Variants in PTPRD observed in about 807,000 individuals in gnomAD.
The protein encoded by PTPRD is receptor-type tyrosine-protein phosphatase delta.
In PTPRD, 34 loss-of-function variants were observed where a neutral mutation model predicts 214.5. That is an observed-to-expected ratio of 0.16 (90% CI 0.12 to 0.21). The LOEUF is 0.21. Among genes scored for constraint, PTPRD ranks in the 10% least tolerant of loss-of-function variants. The pLI is 1.00. For synonymous variants in PTPRD, 1,128 were observed against 845.7 expected, an observed-to-expected ratio of 1.33 and a Z score of -5.79; for missense variants, 2,545 against 2,398.7, an observed-to-expected ratio of 1.06 and a Z score of -1.27.
At chr9:10,504,127 A>AAAAAAAAAAAAAAAAAAAAAAAAAAC (rs2045026828) in intron 2 of PTPRD, among the ~76,000 whole-genome samples, 1 of 137,604 alleles carries the variant, frequency 7.3e-6, no homozygotes, top group Non-Finnish European at 1.6e-5. Flanking sequence ...AAAAAAAAAA[A>AAAAAAAAAAAAAAAAAAAAAAAAAAC]AAAAAAAAAA....
intron 3 of PTPRD, among the ~76,000 whole-genome samples, chr9:10,044,969 C>G (rs2097362868): frequency 6.6e-6 from 1 of 151,660 alleles, no homozygotes; most frequent in South Asian, 2.1e-4. Context: ...TCCAGAATCT[C>G]TTTCATATTG....
At chr9:9,499,401 T>G (rs1014086479) in intron 8 of PTPRD, among the ~76,000 whole-genome samples, 2 of 152,110 alleles carry the variant, frequency 1.3e-5, no homozygotes, top group Non-Finnish European at 2.9e-5. Context: ...TATTTACTGT[T>G]TCTAGACATT....
intron 3 of PTPRD, among the ~76,000 whole-genome samples, chr9:10,090,091 T>C (rs1350163384): frequency 6.6e-6 from 1 of 151,654 alleles, no homozygotes; most frequent in Non-Finnish European, 1.5e-5. Context: ...GTTCAAAATA[T>C]ACTTCTCACT....
chr9:9,618,103 A>C (rs1048886574), intron 7 of PTPRD, among the ~76,000 whole-genome samples: 1 of 143,994 alleles, frequency 6.9e-6, no homozygotes, highest in Non-Finnish European at 1.5e-5. Flanking sequence ...AAAAAAAAAA[A>C]AGATTTTGTC....
intron 2 of PTPRD, among the ~76,000 whole-genome samples, chr9:10,549,296 C>A (rs915097443): frequency 1.3e-5 from 2 of 152,060 alleles, no homozygotes; most frequent in African/African-American, 4.8e-5. Flanking sequence ...ACATCCAAAC[C>A]GAACAGCCCT....
At chr9:10,360,836 C>T (rs1221393116) in intron 2 of PTPRD, among the ~76,000 whole-genome samples, 6 of 152,200 alleles carry the variant, frequency 3.9e-5, no homozygotes, top group Non-Finnish European at 8.8e-5. Context: ...GGCGCGGTGG[C>T]TCACGCCTGT....
intron 9 of PTPRD, among the ~76,000 whole-genome samples, chr9:9,323,386 C>T (rs1967692836): frequency 6.6e-6 from 1 of 152,056 alleles, no homozygotes; most frequent in Admixed American, 6.6e-5. Context: ...GGTAGAAGTA[C>T]AATTATCCTA....
chr9:8,398,279 T>C (rs1440369187), intron 36 of PTPRD, among the ~76,000 whole-genome samples: 1 of 152,144 alleles, frequency 6.6e-6, no homozygotes, highest in African/African-American at 2.4e-5. Flanking sequence ...GTAGGTACTA[T>C]TAATAATCCC....
intron 14 of PTPRD, among the ~76,000 whole-genome samples, chr9:8,611,410 A>G (rs1400095795): frequency 6.6e-6 from 1 of 152,172 alleles, no homozygotes; most frequent in East Asian, 1.9e-4. Context: ...AAGGGGAATA[A>G]AAACCAGAGC....
At position 8,437,574 on chromosome 9, in the gene PTPRD, T is replaced by C. The variant is rs941726177; in HGVS notation, c.3989-885A>G. On this transcript the variant is annotated intron_variant, in intron 34 of 45. Coordinates refer to ENST00000381196, the MANE Select transcript of PTPRD (RefSeq NM_002839.4). The stretch of plus-strand genomic sequence containing the variant: ...AGTAGCAGATTGTAGAGGTTGGGGT[T>C]GCAGCCTTCTCCTGGACATTTATAA... Among the ~76,000 whole-genome samples, 3 of 152,184 alleles carry C rather than the reference T, an allele frequency of 2.0e-5. No homozygotes were observed. In the South Asian group the frequency reaches 6.2e-4, roughly 32 times the overall value.
chr9:8,848,776 T>C lies in PTPRD; in HGVS notation c.-103-114830A>G, dbSNP rs1039173578. On this transcript the variant is annotated intron_variant, in intron 11 of 45. Coordinates refer to ENST00000381196, the MANE Select transcript of PTPRD (RefSeq NM_002839.4). The stretch of plus-strand genomic sequence containing the variant: ...GATGCTTGACTTAAAATCTTGACCC[T>C]ATGTTCCATCTTTATTACTTTTATC... Among the ~76,000 whole-genome samples, 23 of 125,734 alleles carry C rather than the reference T, an allele frequency of 1.8e-4. 1 individual carries two copies. Among genetic ancestry groups the C allele is most frequent in the African/African-American group, 6.7e-4 (23 of 34,428 alleles). 82.5% of individuals were successfully genotyped at this position (125,734 alleles called of 152,430 possible).
intron 3 of PTPRD, among the ~76,000 whole-genome samples, chr9:10,243,824 C>G (rs1219598809): frequency 6.6e-6 from 1 of 151,938 alleles, no homozygotes; most frequent in Non-Finnish European, 1.5e-5. Flanking sequence ...TTTATCCTCC[C>G]AAACCTAAAG....
chr9:9,778,978 T>C (rs868026068), intron 5 of PTPRD, among the ~76,000 whole-genome samples: 8 of 145,586 alleles, frequency 5.5e-5, no homozygotes, highest in Non-Finnish European at 4.5e-5. Context: ...GCAACCAAAA[T>C]AGCATGATAC....
At position 8,689,433 on chromosome 9, in the gene PTPRD, C is replaced by A. The variant is rs150792196; in HGVS notation, c.64+44347G>T. Among the ~76,000 whole-genome samples the A allele has an allele frequency of 1.3e-3, 193 of 152,260 alleles. 2 individuals are homozygous for A. The East Asian group carries it at 0.013, about 11-fold the overall frequency. ...AGACTGGGAAGAAAAAGAGGTTTAA[C>A]TGGACTTATAATTCCACATGGCTGG... On this transcript the variant is annotated intron_variant, in intron 12 of 45. Transcript: ENST00000381196.
intron 7 of PTPRD, among the ~76,000 whole-genome samples, chr9:9,715,687 T>C (rs1297393163): frequency 6.6e-6 from 1 of 152,166 alleles, no homozygotes; most frequent in Non-Finnish European, 1.5e-5. Flanking sequence ...ATTAAGAGAA[T>C]GTATTTGTTC....
chr9:10,279,325 C>G (rs76036412), intron 3 of PTPRD, among the ~76,000 whole-genome samples: 3 of 152,024 alleles, frequency 2.0e-5, no homozygotes, highest in African/African-American at 7.2e-5. Flanking sequence ...TTTTTAATTA[C>G]GTTAGACATA....
intron 2 of PTPRD, among the ~76,000 whole-genome samples, chr9:10,424,667 T>G (rs2154517857): frequency 6.6e-6 from 1 of 151,860 alleles, no homozygotes; most frequent in Admixed American, 6.6e-5. Flanking sequence ...AGCAAAGGGG[T>G]TTGGAAACCC....
At chr9:8,618,027 T>C (rs1292848213) in intron 14 of PTPRD, among the ~76,000 whole-genome samples, 1 of 152,100 alleles carries the variant, frequency 6.6e-6, no homozygotes, top group East Asian at 1.9e-4. Flanking sequence ...CCAATTAAAT[T>C]GTCAGAGTAG....
intron 11 of PTPRD, among the ~76,000 whole-genome samples, chr9:8,929,761 A>G (rs1588223850): frequency 3.3e-5 from 2 of 61,414 alleles, no homozygotes; most frequent in East Asian, 1.3e-3. Flanking sequence ...ATATATGTAT[A>G]TATATGTGTA....
Sources: gnomAD v4.1 joint callset for allele counts (sites outside exome capture counted in the v4.1 genomes callset) on GRCh38, gnomAD v4.1.1 for gene constraint, MANE v1.5 for transcripts, NCBI Gene and HGNC (gene_info 2026-07-23, HGNC 2026-07-21) for gene names.